The following PHF3 variants were observed in gnomAD, a reference collection of about 807,000 sequenced individuals.
PHF3 encodes PHD finger protein 3.
In PHF3, 41 loss-of-function variants were observed where a neutral mutation model predicts 178.4. That is an observed-to-expected ratio of 0.23 (90% CI 0.18 to 0.30). The LOEUF is 0.30. Among genes scored for constraint, PHF3 ranks in the 10% least tolerant of loss-of-function variants. The pLI is 1.00. For missense variants in PHF3, 2,346 were observed against 2,398.1 expected (o/e 0.98, Z 0.45); for synonymous variants, 842 against 800.5 (o/e 1.05, Z -0.88).
At chr6:63,639,946 T>C (rs929583687) in intron 1 of PHF3, among the ~76,000 whole-genome samples, 1 of 152,224 alleles carries the variant, frequency 6.6e-6, no homozygotes, top group Non-Finnish European at 1.5e-5. Flanking sequence ...GTTAACTCTT[T>C]CTTGTTACTG....
chr6:63,691,170 A>G lies in PHF3; in HGVS notation c.2190-567A>G, dbSNP rs558557783. On this transcript the variant is annotated intron_variant, in intron 4 of 15. Coordinates refer to ENST00000262043, the MANE Select transcript of PHF3 (RefSeq NM_001370348.2). ...GAACCAGAATATTTTGAGGTTATCT[A>G]GGTAAGGTGGCTAATAAACAGTTTG... Among the ~76,000 whole-genome samples the G allele has an allele frequency of 4.6e-5, 7 of 152,318 alleles. No homozygotes were observed. The East Asian group carries it at 9.6e-4, about 21-fold the overall frequency.
At chr6:63,710,251 A>G (rs1344223462) in intron 14 of PHF3, among the ~76,000 whole-genome samples, 1 of 152,162 alleles carries the variant, frequency 6.6e-6, no homozygotes, top group Non-Finnish European at 1.5e-5. Context: ...TTTGAGAATC[A>G]CTCTTGAATC....
chr6:63,665,107 T>C (rs1015651480), intron 2 of PHF3, among the ~76,000 whole-genome samples: 2 of 152,148 alleles, frequency 1.3e-5, no homozygotes, highest in Non-Finnish European at 2.9e-5. Flanking sequence ...CCACATTTCA[T>C]TTTTTAGCCA....
At chr6:63,700,851 G>A (rs1194279475) in intron 9 of PHF3, among the ~76,000 whole-genome samples, 1 of 152,016 alleles carries the variant, frequency 6.6e-6, no homozygotes, top group Non-Finnish European at 1.5e-5. Context: ...CAAAGTGTGG[G>A]GATTACAGGC....
In PHF3 at chr6:63,716,718, A is replaced by G. The variant is rs545690601; in HGVS notation, c.*3010A>G. Among the ~76,000 whole-genome samples the G allele has an allele frequency of 2.0e-5, 3 of 151,846 alleles. No homozygotes were observed. Among genetic ancestry groups the G allele is most frequent in the Admixed American group, 6.6e-5 (1 of 15,202 alleles). ...GTTTCTAGCTTCTAGAGGGCACCCA[A>G]TTTCCTTGGCTCATGATCCCTTCCT... is the stretch of plus-strand genomic sequence containing the variant. On this transcript the variant is annotated 3_prime_UTR_variant, in exon 16 of 16. Coordinates refer to ENST00000262043, the MANE Select transcript of PHF3 (RefSeq NM_001370348.2).
At chr6:63,671,187 C>G (rs1186535550) in intron 2 of PHF3, among the ~76,000 whole-genome samples, 1 of 151,584 alleles carries the variant, frequency 6.6e-6, no homozygotes, top group East Asian at 1.9e-4. Flanking sequence ...CAGTTTACAA[C>G]AATCGTATGT....
rs146743210 is a variant in PHF3, at chr6:63,719,421, GA to G, written c.*5714del. 0.04 allele frequency among the ~76,000 whole-genome samples: 6,075 copies of G among 151,800 alleles called. 423 individuals carry two copies. Among genetic ancestry groups the G allele is most frequent in the African/African-American group, 0.14 (5,727 of 41,432 alleles). On this transcript the variant is annotated 3_prime_UTR_variant, in exon 16 of 16. Coordinates refer to ENST00000262043, the MANE Select transcript of PHF3 (RefSeq NM_001370348.2). ...CTTATTACTAAGATTTTTTTCTCCA[GA>G]TGACCTATTCTACCTGTTAGTTCAC...
chr6:63,664,279 C>T (rs1383309036), intron 2 of PHF3, among the ~76,000 whole-genome samples: 1 of 152,148 alleles, frequency 6.6e-6, no homozygotes, highest in Non-Finnish European at 1.5e-5. Flanking sequence ...TGTATTTCCT[C>T]CCTAACAAGT....
intron 2 of PHF3, among the ~76,000 whole-genome samples, chr6:63,648,923 G>A (rs1432236359): frequency 2.6e-5 from 4 of 152,156 alleles, no homozygotes; most frequent in Middle Eastern, 6.8e-3. Flanking sequence ...GTGCCATCTA[G>A]CAGGGGATTT....
chr6:63,646,566 T>C lies in PHF3; in HGVS notation c.15T>C (p.Asp5=), dbSNP rs1764792272. 1 of 1,610,680 alleles carries C rather than the reference T, an allele frequency of 6.2e-7. No homozygotes were observed. The highest frequency in any genetic ancestry group is 8.5e-7 in the Non-Finnish European group (1 of 1,177,366). The change falls in exon 2 of 16, where the codon GAT becomes GAC. Residue 5 remains aspartate, a synonymous_variant. Coordinates refer to ENST00000262043, the MANE Select transcript of PHF3 (RefSeq NM_001370348.2). ...CAGAAGTCTTCATGGATATAGTTGA[T>C]ACATTTAATCATTTAATTCCTACTG... MDIV[D]TFNHLIPTEH... is the part of the protein sequence containing the mutation.
chr6:63,645,137 C>G (rs1444731752), intron 1 of PHF3, among the ~76,000 whole-genome samples: 4 of 151,946 alleles, frequency 2.6e-5, no homozygotes, highest in Non-Finnish European at 4.4e-5. Flanking sequence ...GCCCACTTCC[C>G]GAAGTGCTAG....
chr6:63,685,540 C>G lies in PHF3; in HGVS notation c.1818C>G (p.Cys606Trp). 6.2e-7 allele frequency: 1 copy of G among 1,614,082 alleles called. No individual in the cohort carries two copies. Among genetic ancestry groups the G allele is most frequent in the Non-Finnish European group, 8.5e-7 (1 of 1,180,002 alleles). The change falls in exon 4 of 16, where the codon TGC becomes TGG. Residue 606 changes from cysteine to tryptophan, a missense_variant. By Grantham distance (215) the Cys-to-Trp change is radical. Transcript: ENST00000262043. ...LSDKSHAHPG[C>W]LKEPHHPAQT... ...ATAAGTCACACGCTCATCCTGGTTG[C>G]TTGAAAGAACCTCATCATCCTGCAC...
rs1217740706 is a variant in PHF3 at position 63,678,452 on chromosome 6, ATTT to A, written c.245-1545_245-1543del. Among the ~76,000 whole-genome samples the A allele has an allele frequency of 2.6e-5, 4 of 152,122 alleles. No homozygotes were observed. In the East Asian group the frequency reaches 7.7e-4, roughly 29 times the overall value. ...CATAATGGTTAAAAGCGTGGGCTCT[ATTT>A]TTACTTTTATAATACATGCTTATAG... On this transcript the variant is annotated intron_variant, in intron 2 of 15. Coordinates refer to ENST00000262043, the MANE Select transcript of PHF3 (RefSeq NM_001370348.2).
At chr6:63,709,100 A>C in intron 13 of PHF3, 51 bp from the exon 14 acceptor site, 1 of 932,452 alleles carries the variant, frequency 1.1e-6, no homozygotes, top group Non-Finnish European at 1.6e-6. Flanking sequence ...CTAATGTCAT[A>C]ATAAAGATAA....
Position 63,720,800 on chromosome 6 carries a change from C to T in PHF3, c.*7092C>T, listed in dbSNP as rs1383639603. The stretch of plus-strand genomic sequence containing the variant: ...AACAAATGCCATCATAGTTTAGAGC[C>T]ACAAAGTTTTTATGTGGATCAATAT... On this transcript the variant is annotated 3_prime_UTR_variant, in exon 16 of 16. Coordinates refer to ENST00000262043, the MANE Select transcript of PHF3 (RefSeq NM_001370348.2). The T allele has an allele frequency of 2.6e-6, 4 of 1,550,832 alleles. No homozygotes were observed. Among genetic ancestry groups the T allele is most frequent in the Non-Finnish European group, 3.5e-6 (4 of 1,146,570 alleles).
chr6:63,712,819 T>C lies in PHF3; in HGVS notation c.5231T>C (p.Leu1744Ser). Residue 1744 changes from leucine to serine, a missense_variant, in exon 16 of 16, where the codon TTA becomes TCA. This residue lies in a region of PHF3 where 839 missense variants were observed against 806.9 expected (regional missense o/e 1.04). Coordinates refer to ENST00000262043, the MANE Select transcript of PHF3 (RefSeq NM_001370348.2). ...EQAKPLQEDI[L>S]MQNIETVHPF... ...GCAAAACCCTTACAGGAGGATATTT[T>C]AATGCAAAATATTGAAACTGTGCAC... 1.2e-6 allele frequency: 2 copies of C among 1,614,012 alleles called. No homozygotes were observed. The highest frequency in any genetic ancestry group is 1.7e-6 in the Non-Finnish European group (2 of 1,179,954).
chr6:63,653,785 T>A (rs1234504013), intron 2 of PHF3, among the ~76,000 whole-genome samples: 1 of 152,208 alleles, frequency 6.6e-6, no homozygotes, highest in Non-Finnish European at 1.5e-5. Context: ...CATGCCTTTA[T>A]TGTGTTGAGA....
chr6:63,713,620 A>G lies in PHF3; in HGVS notation c.6032A>G (p.Glu2011Gly), dbSNP rs1768072921. Residue 2011 changes from glutamate to glycine, a missense_variant, in exon 16 of 16, where the codon GAG (glutamate) becomes GGG (glycine). Glu to Gly is a moderately conservative substitution (Grantham distance 98). Coordinates refer to ENST00000262043, the MANE Select transcript of PHF3 (RefSeq NM_001370348.2). ...GACTATGAGAAGGACAAAGAACGAG[A>G]GAAAAGTAAACACAGAGAAGGAGAA... ...SEDYEKDKER[E>G]KSKHREGEKD... is the part of the protein sequence containing the mutation. 4.3e-6 allele frequency: 7 copies of G among 1,613,224 alleles called. No homozygotes were observed. Among genetic ancestry groups the G allele is most frequent in the Non-Finnish European group, 5.9e-6 (7 of 1,179,770 alleles).
intron 2 of PHF3, among the ~76,000 whole-genome samples, chr6:63,653,019 G>GTTT (rs371116514): frequency 1.4e-4 from 18 of 126,974 alleles, no homozygotes; most frequent in African/African-American, 4.7e-4. Context: ...ATGTTGGCTA[G>GTTT]TTTTTTTTTT....
Sources: gnomAD v4.1 joint callset for allele counts (sites outside exome capture counted in the v4.1 genomes callset) on GRCh38, gnomAD v4.1.1 for gene constraint, gnomAD v4.1.1 regional missense constraint, MANE v1.5 for transcripts, NCBI Gene and HGNC (gene_info 2026-07-23, HGNC 2026-07-21) for gene names.